GPR158: variants seen among roughly 807,000 people sequenced by gnomAD.
The protein encoded by GPR158 is metabotropic glycine receptor.
A neutral mutation model predicts 78.2 loss-of-function variants in GPR158; 30 were observed. The ratio of observed to expected loss-of-function variants is 0.38; its 90% CI spans 0.29 to 0.52. GPR158 has a LOEUF of 0.52. Ranked by LOEUF, GPR158 falls within the 20% of genes least tolerant of loss-of-function variation. The probability of loss-of-function intolerance (pLI) is 0.83; values close to 1 mark genes in which losing one functional copy is unlikely to be tolerated. For synonymous variants in GPR158, 581 were observed against 591.1 expected (o/e 0.98, Z 0.25); for missense variants, 1,463 against 1,523.5 (o/e 0.96, Z 0.66).
At chr10:25,484,957 C>T (rs1198240591) in intron 5 of GPR158, among the ~76,000 whole-genome samples, 7 of 151,932 alleles carry the variant, frequency 4.6e-5, no homozygotes, top group Non-Finnish European at 1.0e-4. Context: ...TTAACAGTCT[C>T]TGGGAAACGT....
At chr10:25,585,362 A>G (rs544011993) in intron 7 of GPR158, among the ~76,000 whole-genome samples, 1 of 152,338 alleles carries the variant, frequency 6.6e-6, no homozygotes, top group East Asian at 1.9e-4. Flanking sequence ...AAAGGGAGAA[A>G]AAAACTGAAA....
chr10:25,196,051 A>G (rs1852839534), intron 1 of GPR158, among the ~76,000 whole-genome samples: 1 of 151,564 alleles, frequency 6.6e-6, no homozygotes, highest in African/African-American at 2.4e-5. Context: ...GATTCATTTT[A>G]TTGATTACAC....
chr10:25,509,793 C>G (rs1022561289), intron 5 of GPR158, among the ~76,000 whole-genome samples: 6 of 152,108 alleles, frequency 3.9e-5, no homozygotes, highest in Admixed American at 2.0e-4. Flanking sequence ...CTCCGCTCAC[C>G]ACAACCTCTA....
At chr10:25,455,395 T>G (rs1835277265) in intron 4 of GPR158, among the ~76,000 whole-genome samples, 1 of 151,952 alleles carries the variant, frequency 6.6e-6, no homozygotes, top group African/African-American at 2.4e-5. Context: ...ATTATAAAAC[T>G]TTTTTTTCTA....
At chr10:25,379,899 T>G (rs1834131991) in intron 2 of GPR158, among the ~76,000 whole-genome samples, 1 of 151,962 alleles carries the variant, frequency 6.6e-6, no homozygotes, top group African/African-American at 2.4e-5. Context: ...CTCCTTTTTT[T>G]TTTTACCTTG....
At chr10:25,479,889 G>A (rs1835641802) in intron 5 of GPR158, among the ~76,000 whole-genome samples, 2 of 151,462 alleles carry the variant, frequency 1.3e-5, no homozygotes, top group African/African-American at 4.9e-5. Flanking sequence ...ATATATCTTT[G>A]TCCTTTCCCA....
intron 1 of GPR158, among the ~76,000 whole-genome samples, chr10:25,200,386 C>CTTAA (rs1195124052): frequency 2.6e-5 from 4 of 151,920 alleles, no homozygotes; most frequent in African/African-American, 9.7e-5. Flanking sequence ...TGTAAATGTG[C>CTTAA]TTAAGTTCCT....
chr10:25,374,915 G>A (rs936884622), intron 2 of GPR158, among the ~76,000 whole-genome samples: 1 of 151,630 alleles, frequency 6.6e-6, no homozygotes, highest in East Asian at 1.9e-4. Context: ...GCCTAAGAAT[G>A]CAATTGTTAT....
At chr10:25,347,372 T>C (rs1167248455) in intron 2 of GPR158, among the ~76,000 whole-genome samples, 1 of 152,028 alleles carries the variant, frequency 6.6e-6, no homozygotes, top group East Asian at 1.9e-4. Flanking sequence ...TAGCTCAGAA[T>C]CCAGGATAAT....
intron 2 of GPR158, among the ~76,000 whole-genome samples, chr10:25,342,042 T>C (rs1855310364): frequency 6.6e-6 from 1 of 151,986 alleles, no homozygotes; most frequent in African/African-American, 2.4e-5. Context: ...GTGGTACAAA[T>C]ATACTATACC....
At chr10:25,524,110 G>C (rs2130686017) in intron 5 of GPR158, among the ~76,000 whole-genome samples, 1 of 152,006 alleles carries the variant, frequency 6.6e-6, no homozygotes, top group South Asian at 2.1e-4. Flanking sequence ...TCTAATAAAA[G>C]AAGTGCAAGA....
intron 1 of GPR158, among the ~76,000 whole-genome samples, chr10:25,198,382 G>A (rs930557176): frequency 6.6e-6 from 1 of 152,134 alleles, no homozygotes; most frequent in African/African-American, 2.4e-5. Context: ...AAAGTGGTGT[G>A]GGGGAGGAGA....
intron 2 of GPR158, among the ~76,000 whole-genome samples, chr10:25,239,327 A>AT (rs1853572163): frequency 6.6e-6 from 1 of 152,110 alleles, no homozygotes; most frequent in South Asian, 2.1e-4. Context: ...GGGGCCAGGC[A>AT]TGGTGGCTGA....
At chr10:25,446,576 T>A (rs1480685738) in intron 4 of GPR158, among the ~76,000 whole-genome samples, 1 of 152,228 alleles carries the variant, frequency 6.6e-6, no homozygotes, top group Non-Finnish European at 1.5e-5. Context: ...CAGAACTTCT[T>A]GTATTTTATC....
chr10:25,537,925 C>G (rs145771796), intron 5 of GPR158, among the ~76,000 whole-genome samples: 1 of 152,138 alleles, frequency 6.6e-6, no homozygotes, highest in African/African-American at 2.4e-5. Context: ...TCCTGTAGAG[C>G]CTGCGGAACT....
chr10:25,406,831 A>T (rs1834522328), intron 3 of GPR158, among the ~76,000 whole-genome samples: 1 of 152,200 alleles, frequency 6.6e-6, no homozygotes, highest in African/African-American at 2.4e-5. Flanking sequence ...GAAAGATATT[A>T]GTAGGAGGGA....
Position 25,599,090 on chromosome 10 carries a change from A to G in GPR158, c.3464A>G (p.Tyr1155Cys), listed in dbSNP as rs1460836763. 6.2e-7 allele frequency: 1 copy of G among 1,613,186 alleles called. No homozygotes were observed. The highest frequency in any genetic ancestry group is 1.7e-5 in the Admixed American group (1 of 60,012). The change falls in exon 11 of 11, where the codon TAT (tyrosine) becomes TGT (cysteine). Residue 1155 changes from tyrosine to cysteine, a missense_variant. Tyr to Cys is a radical substitution (Grantham distance 194). Coordinates refer to ENST00000376351, the MANE Select transcript of GPR158 (RefSeq NM_020752.3). Reference protein sequence around the residue: ...SSSEENVRGSYNSSNNFQQPL... With the variant: ...SSSEENVRGSCNSSNNFQQPL... ...TCTGAGGAGAATGTGCGTGGCTCCT[A>G]TAACTCAAGTAATAACTTCCAGCAA...
intron 6 of GPR158, among the ~76,000 whole-genome samples, chr10:25,568,899 A>G (rs192582784): frequency 1.4e-4 from 22 of 152,308 alleles, no homozygotes; most frequent in Admixed American, 3.3e-4. Flanking sequence ...AAATAGTGGA[A>G]AAGTCATCCA....
intron 2 of GPR158, among the ~76,000 whole-genome samples, chr10:25,373,305 A>C (rs1454281094): frequency 1.3e-5 from 2 of 151,902 alleles, no homozygotes; most frequent in Non-Finnish European, 2.9e-5. Context: ...GAGCGGGAAG[A>C]TGGAGAGGAT....
Sources: allele counts gnomAD v4.1 joint callset (sites outside exome capture counted in the v4.1 genomes callset), GRCh38; gene constraint gnomAD v4.1.1; transcripts MANE v1.5; gene names NCBI Gene and HGNC (gene_info 2026-07-23, HGNC 2026-07-21).